Variants in AVEN observed in about 807,000 individuals in gnomAD.
AVEN encodes cell death regulator Aven.
In AVEN, 41 loss-of-function variants were observed where a neutral mutation model predicts 38.1. That is an observed-to-expected ratio of 1.08 (90% CI 0.84 to 1.40). The LOEUF is 1.40. Among genes scored for constraint, AVEN ranks in the 40% most tolerant of loss-of-function variants. AVEN has a pLI of 0.00. For synonymous variants in AVEN, 206 were observed against 171.8 expected, an observed-to-expected ratio of 1.20 and a Z score of -1.56; for missense variants, 605 against 438.8, an observed-to-expected ratio of 1.38 and a Z score of -3.38.
chr15:34,025,920 T>A (rs1036402048), intron 1 of AVEN, among the ~76,000 whole-genome samples: 1 of 152,220 alleles, frequency 6.6e-6, no homozygotes, highest in Non-Finnish European at 1.5e-5. Context: ...CCAGAGATAA[T>A]CCTTACAGTT....
chr15:34,062,033 C>G (rs575882658), intron 5 of AVEN, among the ~76,000 whole-genome samples: 1 of 152,302 alleles, frequency 6.6e-6, no homozygotes, highest in African/African-American at 2.4e-5. Context: ...CCTCTCTTTA[C>G]TGCTTCTCAA....
At chr15:33,866,809 C>T in intron 5 of AVEN, 81 bp from the exon 6 acceptor site, 2 of 987,502 alleles carry the variant, frequency 2.0e-6, no homozygotes, top group South Asian at 1.5e-5. Context: ...TATTACTTTC[C>T]TTACAACAAG....
chr15:34,015,053 T>G (rs1897823082), intron 1 of AVEN, among the ~76,000 whole-genome samples: 1 of 152,002 alleles, frequency 6.6e-6, no homozygotes, highest in South Asian at 2.1e-4. Flanking sequence ...AAGCTGTCCT[T>G]AACAGTGTGT....
intron 4 of AVEN, among the ~76,000 whole-genome samples, chr15:33,868,404 A>G (rs912440157): frequency 6.6e-6 from 1 of 151,944 alleles, no homozygotes; most frequent in Non-Finnish European, 1.5e-5. Flanking sequence ...AAAATTAGCC[A>G]GGAGTGGTGG....
chr15:34,020,769 G>A (rs1407075574), intron 1 of AVEN, among the ~76,000 whole-genome samples: 2 of 152,102 alleles, frequency 1.3e-5, no homozygotes, highest in Non-Finnish European at 2.9e-5. Context: ...AATTTCGTAA[G>A]ACACAAGATA....
rs1270541618 is a variant in AVEN, at chr15:34,063,726, T to C, written n.1127-294A>G. ...GGGTAAGGAAAGCCCAGGGGAAGAA[T>C]TCAGTGCTGAAGAGACTGAGGAAAC... is the stretch of plus-strand genomic sequence containing the variant. On this transcript the variant is annotated intron_variant and non_coding_transcript_variant, in intron 4 of 11. Transcript: ENST00000675287. This position sits in a 1 kb window ranked among gnomAD's most constrained non-coding sequence, Gnocchi z 4.1. 2 of 1,614,062 alleles carry C rather than the reference T, an allele frequency of 1.2e-6. No individual in the cohort carries two copies. Among genetic ancestry groups the C allele is most frequent in the Non-Finnish European group, 1.7e-6 (2 of 1,180,050 alleles).
chr15:33,870,168 C>T (rs1343124345), intron 4 of AVEN, among the ~76,000 whole-genome samples: 1 of 152,140 alleles, frequency 6.6e-6, no homozygotes, highest in Non-Finnish European at 1.5e-5. Context: ...TACCTCAGTA[C>T]AGCCCTCTCC....
intron 3 of AVEN, among the ~76,000 whole-genome samples, chr15:33,873,094 C>CTTTTTTTTTT (rs34223352): frequency 1.2e-4 from 10 of 85,138 alleles, no homozygotes; most frequent in East Asian, 4.1e-4. Flanking sequence ...TTTTCCTTTT[C>CTTTTTTTTTT]TTTTTTTTTT....
chr15:34,057,871 G>A (rs530020750), intron 5 of AVEN, among the ~76,000 whole-genome samples: 38 of 152,308 alleles, frequency 2.5e-4, no homozygotes, highest in African/African-American at 9.1e-4. Context: ...GCCAAATTGT[G>A]ATATGATTGT....
intron 1 of AVEN, among the ~76,000 whole-genome samples, chr15:34,008,134 G>A (rs1316225763): frequency 6.6e-6 from 1 of 152,066 alleles, no homozygotes; most frequent in African/African-American, 2.4e-5. Context: ...CGAAAATAAT[G>A]GGTGGGCCTG....
chr15:33,898,569 T>A (rs1892344572), intron 2 of AVEN, among the ~76,000 whole-genome samples: 1 of 73,230 alleles, frequency 1.4e-5, no homozygotes, highest in South Asian at 4.2e-4. Flanking sequence ...ATGGCCTTCT[T>A]CCCTGTGTCT....
rs1361739249 is a variant in AVEN, at chr15:33,933,506, CACACACACACACACACACAGAGA to C, written c.446-57534_446-57512del. On this transcript the variant is annotated intron_variant, in intron 2 of 5. Transcript: ENST00000306730. ...CCTCCAACAATCACACACACACACA[CACACACACACACACACACAGAGA>C]GAGAGAGAGAGAGAGAGAGAGAGAG... 6.7e-3 allele frequency among the ~76,000 whole-genome samples: 795 copies of C among 118,468 alleles called. 7 individuals are homozygous for C. Among genetic ancestry groups the C allele is most frequent in the Non-Finnish European group, 0.011 (619 of 56,696 alleles). 77.7% of individuals were successfully genotyped at this position (118,468 alleles called of 152,430 possible). A position where few individuals can be genotyped will look rare whatever the true frequency, so the allele number is the denominator to read the frequency against.
In AVEN at chr15:34,063,852, T is replaced by C; in HGVS notation, n.1127-420A>G. On this transcript the variant is annotated intron_variant and non_coding_transcript_variant, in intron 4 of 11. Coordinates refer to the AVEN transcript ENST00000675287. This position sits in a 1 kb window ranked among gnomAD's most constrained non-coding sequence, Gnocchi z 4.1. ...ACCCAAGAGTCAGAAATGTGTGGCC[T>C]ATAAGTTCCGATTGGTGGTAAAAGC... 6.2e-7 allele frequency: 1 copy of C among 1,614,174 alleles called. No individual in the cohort carries two copies. The highest frequency in any genetic ancestry group is 1.7e-5 in the Admixed American group (1 of 60,018).
chr15:33,976,911 T>G (rs1272506026), intron 2 of AVEN, among the ~76,000 whole-genome samples: 1 of 152,162 alleles, frequency 6.6e-6, no homozygotes, highest in African/African-American at 2.4e-5. Flanking sequence ...TCCTGTGGTA[T>G]AGTGACATCC....
intron 11 of AVEN, chr15:33,859,521 G>A (rs903348838): frequency 4.4e-6 from 7 of 1,596,142 alleles, no homozygotes; most frequent in Non-Finnish European, 6.0e-6. Context: ...TGAGCATCTT[G>A]CTAAAAACAG....
chr15:34,037,494 T>C (rs1899200316), intron 1 of AVEN, among the ~76,000 whole-genome samples: 1 of 149,666 alleles, frequency 6.7e-6, no homozygotes, highest in South Asian at 2.1e-4. Context: ...ATATATAACA[T>C]TGTAGTTAAT....
At chr15:34,046,345 A>C (rs1039736761) in intron 5 of AVEN, among the ~76,000 whole-genome samples, 31 of 151,308 alleles carry the variant, frequency 2.0e-4, no homozygotes, top group African/African-American at 7.5e-4. Context: ...TGAGGCAGGA[A>C]AAAAAAAAAA....
At chr15:33,939,872 TTTTAC>T (rs1894248530) in intron 2 of AVEN, among the ~76,000 whole-genome samples, 1 of 152,192 alleles carries the variant, frequency 6.6e-6, no homozygotes, top group African/African-American at 2.4e-5. Flanking sequence ...ATATCCCTCT[TTTTAC>T]TTTTTCTATT....
intron 2 of AVEN, among the ~76,000 whole-genome samples, chr15:33,897,964 C>T (rs568755741): frequency 2.0e-5 from 3 of 152,224 alleles, no homozygotes; most frequent in African/African-American, 7.2e-5. Context: ...TCGAAGGGGG[C>T]GGATCACAAG....
Sources: allele counts gnomAD v4.1 joint callset (sites outside exome capture counted in the v4.1 genomes callset), GRCh38; gene constraint gnomAD v4.1.1; non-coding constraint Gnocchi (gnomAD v3.1); transcripts MANE v1.5; gene names NCBI Gene and HGNC (gene_info 2026-07-23, HGNC 2026-07-21).